Variants in RAPGEF2 observed in about 807,000 individuals in gnomAD.
RAPGEF2 encodes Rap guanine nucleotide exchange factor 2.
A neutral mutation model predicts 186.7 loss-of-function variants in RAPGEF2; 54 were observed. The observed-to-expected ratio is 0.29, with a 90% CI of 0.23 to 0.36. RAPGEF2 has a LOEUF of 0.36. Among genes scored for constraint, RAPGEF2 ranks in the 10% least tolerant of loss-of-function variants. RAPGEF2 has a pLI of 1.00. For missense variants in RAPGEF2, 1,532 were observed against 2,045.0 expected (o/e 0.75, Z 4.84); for synonymous variants, 712 against 705.9 (o/e 1.01, Z -0.14).
intron 7 of RAPGEF2, among the ~76,000 whole-genome samples, chr4:159,290,389 G>A (rs999348231): frequency 4.6e-5 from 7 of 152,192 alleles, no homozygotes; most frequent in Non-Finnish European, 8.8e-5. Context: ...CAGTCATCAG[G>A]TTCTCTGAAT....
chr4:159,217,890 C>CCACAA (rs1440620843), intron 4 of RAPGEF2, among the ~76,000 whole-genome samples: 1 of 152,140 alleles, frequency 6.6e-6, no homozygotes, highest in Non-Finnish European at 1.5e-5. Flanking sequence ...CTTTGATTTG[C>CCACAA]ATTTCTCATA....
intron 1 of RAPGEF2, among the ~76,000 whole-genome samples, chr4:159,105,197 G>C (rs1350833047): frequency 6.6e-6 from 1 of 152,184 alleles, no homozygotes; most frequent in Non-Finnish European, 1.5e-5. Flanking sequence ...ATTCCTAAGC[G>C]TTGGGATGGT....
chr4:159,352,958 G>T, intron 27 of RAPGEF2, 48 bp downstream of exon 27: 1 of 1,452,730 alleles, frequency 6.9e-7, no homozygotes, highest in Non-Finnish European at 9.4e-7. Flanking sequence ...TTCCATCTCT[G>T]TTTTAATAAT....
At chr4:159,228,352 G>A (rs1002374864) in intron 4 of RAPGEF2, 1 of 152,256 alleles carries the variant, frequency 6.6e-6, no homozygotes. Flanking sequence ...ACTGAAGACA[G>A]TGCAGGTTAG....
At chr4:159,127,499 A>G (rs938556252) in intron 1 of RAPGEF2, among the ~76,000 whole-genome samples, 1 of 152,118 alleles carries the variant, frequency 6.6e-6, no homozygotes, top group Admixed American at 6.6e-5. Context: ...TGCTTAGTCT[A>G]GAGGTTGAAT....
Position 159,331,738 on chromosome 4 carries a change from T to A in RAPGEF2, c.1684T>A (p.Leu562Ile). ...PSREAPLPFI[L>I]LGGSEKGFGI... ...CCGAGAAGCTCCTTTGCCTTTTATC[T>A]TACTTGGAGGCTCTGAGAAGGGATT... Residue 562 changes from leucine (L) to isoleucine (I), a missense_variant, in exon 15 of 30, where the codon TTA (leucine) becomes ATA (isoleucine). Around this residue, in one of 4 missense-constraint regions of RAPGEF2, gnomAD observed 810 missense variants for 1,210.5 expected, o/e 0.67. Coordinates refer to ENST00000691494, the MANE Select transcript of RAPGEF2 (RefSeq NM_001394067.2). 2.5e-6 allele frequency: 4 copies of A among 1,614,128 alleles called. No individual in the cohort carries two copies. Among genetic ancestry groups the A allele is most frequent in the Non-Finnish European group, 3.4e-6 (4 of 1,180,006 alleles).
intron 9 of RAPGEF2, among the ~76,000 whole-genome samples, chr4:159,315,688 AG>A (rs770860755): frequency 1.4e-4 from 22 of 152,204 alleles, no homozygotes; most frequent in Non-Finnish European, 2.8e-4. Context: ...TCCACTGGAC[AG>A]GGGGCCCTTC....
intron 1 of RAPGEF2, among the ~76,000 whole-genome samples, chr4:159,153,554 T>C (rs1014405227): frequency 6.6e-6 from 1 of 152,174 alleles, no homozygotes; most frequent in African/African-American, 2.4e-5. Context: ...GTCTTGGTAG[T>C]TTTAATAATT....
intron 17 of RAPGEF2, among the ~76,000 whole-genome samples, chr4:159,334,575 A>G (rs1334797904): frequency 6.6e-6 from 1 of 152,188 alleles, no homozygotes; most frequent in Admixed American, 6.5e-5. Flanking sequence ...TAACAGCACA[A>G]TAACAAAAAA....
At chr4:159,288,208 C>A (rs996979878) in intron 7 of RAPGEF2, among the ~76,000 whole-genome samples, 1 of 152,102 alleles carries the variant, frequency 6.6e-6, no homozygotes, top group African/African-American at 2.4e-5. Context: ...AAGTAAGTAT[C>A]CATATTTCAT....
intron 1 of RAPGEF2, among the ~76,000 whole-genome samples, chr4:159,134,359 A>G (rs1481895893): frequency 6.6e-6 from 1 of 152,174 alleles, no homozygotes; most frequent in African/African-American, 2.4e-5. Context: ...GTATGGATGT[A>G]CTGAAATTTG....
chr4:159,267,130 C>A, intron 7 of RAPGEF2: 1 of 1,256,284 alleles, frequency 8.0e-7, no homozygotes. Flanking sequence ...ACTAGAACTG[C>A]ATTGAGTGTG....
intron 1 of RAPGEF2, among the ~76,000 whole-genome samples, chr4:159,183,848 C>T (rs963182702): frequency 1.1e-4 from 16 of 152,122 alleles, no homozygotes; most frequent in African/African-American, 3.6e-4. Flanking sequence ...CCCATTAACT[C>T]GTCATTTACA....
At chr4:159,277,508 T>G (rs1244484824) in intron 7 of RAPGEF2, among the ~76,000 whole-genome samples, 1 of 152,220 alleles carries the variant, frequency 6.6e-6, no homozygotes, top group Non-Finnish European at 1.5e-5. Context: ...CACACTGACT[T>G]CCACAATGGT....
At chr4:159,268,212 C>T in intron 7 of RAPGEF2, 1 of 1,590,620 alleles carries the variant, frequency 6.3e-7, no homozygotes, top group Non-Finnish European at 8.6e-7. Context: ...AGGAGAAACA[C>T]TCAGTAAGTA....
At chr4:159,118,999 T>G (rs2111088529) in intron 1 of RAPGEF2, among the ~76,000 whole-genome samples, 1 of 152,386 alleles carries the variant, frequency 6.6e-6, no homozygotes, top group Non-Finnish European at 1.5e-5. Context: ...TCCCATAGAT[T>G]AACTTTTCAT....
chr4:159,164,353 AAGG>A (rs1458696333), intron 1 of RAPGEF2, among the ~76,000 whole-genome samples: 14 of 150,192 alleles, frequency 9.3e-5, no homozygotes, highest in Non-Finnish European at 1.8e-4. Flanking sequence ...GAGAGACAGG[AAGG>A]AGAAGGGGAG....
intron 2 of RAPGEF2, among the ~76,000 whole-genome samples, chr4:159,188,006 A>AT (rs1226737101): frequency 6.6e-6 from 1 of 152,208 alleles, no homozygotes; most frequent in East Asian, 1.9e-4. Flanking sequence ...TAGATTGTAG[A>AT]TTAAGTGTTT....
rs1170352441 is a variant in RAPGEF2, at chr4:159,214,525, T to C, written c.281+3942T>C. Among the ~76,000 whole-genome samples the C allele has an allele frequency of 8.5e-5, 13 of 152,194 alleles. 1 individual carries two copies. Among genetic ancestry groups the C allele is most frequent in the Admixed American group, 8.5e-4 (13 of 15,274 alleles). ...ATTGCCCCTAATTACCCTAAATCAG[T>C]ATATTTAAAAAATTGTAATAGAAAT... On this transcript the variant is annotated intron_variant, in intron 4 of 29. Coordinates refer to ENST00000691494, the MANE Select transcript of RAPGEF2 (RefSeq NM_001394067.2).
Sources: allele counts gnomAD v4.1 joint callset (sites outside exome capture counted in the v4.1 genomes callset), GRCh38; gene constraint gnomAD v4.1.1; regional missense constraint gnomAD v4.1.1; transcripts MANE v1.5; gene names NCBI Gene and HGNC (gene_info 2026-07-23, HGNC 2026-07-21).